Variants in TEAD2 observed in about 807,000 individuals in gnomAD.
TEAD2 encodes transcriptional enhancer factor TEF-4.
TEAD2 carries 51 observed loss-of-function variants against 61.4 expected under a neutral mutation model. That is an observed-to-expected ratio of 0.83 (90% CI 0.66 to 1.05). The LOEUF (loss-of-function observed/expected upper bound fraction) is 1.05. Ranked by LOEUF, TEAD2 falls within the 50% of genes least tolerant of loss-of-function variation. TEAD2 has a pLI of 0.00. For missense variants in TEAD2, 509 were observed against 600.0 expected, an observed-to-expected ratio of 0.85 and a Z score of 1.58; for synonymous variants, 244 against 243.2, an observed-to-expected ratio of 1.00 and a Z score of -0.03.
intron 7 of TEAD2, among the ~76,000 whole-genome samples, chr19:49,353,243 C>T (rs1327002106): frequency 1.3e-5 from 2 of 152,058 alleles, no homozygotes; most frequent in African/African-American, 2.4e-5. Flanking sequence ...GGATTACAGG[C>T]GCACATCACC....
At chr19:49,357,065 T>C (rs1197741733) in intron 4 of TEAD2, among the ~76,000 whole-genome samples, 187 bp downstream of exon 4, 1 of 151,362 alleles carries the variant, frequency 6.6e-6, no homozygotes, top group Non-Finnish European at 1.5e-5. Flanking sequence ...TCTCTGGGTC[T>C]TGGTCCCCTC....
At chr19:49,347,123 G>A (rs1341576396) in intron 10 of TEAD2, 67 bp downstream of exon 10, 1 of 1,582,626 alleles carries the variant, frequency 6.3e-7, no homozygotes. Context: ...ATTCTCTCAG[G>A]GCCAGAGGCC....
chr19:49,347,006 C>G (rs1225193179), intron 10 of TEAD2, among the ~76,000 whole-genome samples, 184 bp downstream of exon 10: 3 of 152,186 alleles, frequency 2.0e-5, no homozygotes, highest in African/African-American at 7.2e-5. Context: ...TCCAACCCAC[C>G]CTGGGGGCTG....
rs111970794 is a variant in TEAD2 at position 49,350,638 on chromosome 19, C to G, written c.604+663G>C. Among the ~76,000 whole-genome samples, 992 of 152,044 alleles carry G rather than the reference C, an allele frequency of 6.5e-3. 18 individuals carry two copies. The highest frequency in any genetic ancestry group is 0.037 in the Middle Eastern group (11 of 294). The stretch of plus-strand genomic sequence containing the variant: ...CTGTGAGCCACCGCACCTGCCTCTT[C>G]TTTTTTAAAATGTTGCTTCAGCTGG... On this transcript the variant is annotated intron_variant, in intron 8 of 12. Transcript: ENST00000593945.
At chr19:49,356,104 G>T in intron 4 of TEAD2, 134 bp from the exon 5 acceptor site, 1 of 649,420 alleles carries the variant, frequency 1.5e-6, no homozygotes, top group Non-Finnish European at 2.2e-6. Context: ...AGTGCCAAGG[G>T]ATGGATGCGC....
intron 3 of TEAD2, among the ~76,000 whole-genome samples, chr19:49,358,924 A>T (rs1972601158): frequency 6.6e-6 from 1 of 152,034 alleles, no homozygotes; most frequent in Non-Finnish European, 1.5e-5. Flanking sequence ...CCCAGCCTAA[A>T]GCTCTTTATC....
At chr19:49,357,518 T>C in intron 3 of TEAD2, 1 of 609,890 alleles carries the variant, frequency 1.6e-6, no homozygotes, top group Non-Finnish European at 2.9e-6. Flanking sequence ...CCGGGACCCA[T>C]CCCATCCAGG....
At position 49,355,311 on chromosome 19, in the gene TEAD2, C is replaced by T; in HGVS notation, c.480+1G>A. 1 of 1,614,174 alleles carries T rather than the reference C, an allele frequency of 6.2e-7. No homozygotes were observed. Among genetic ancestry groups the T allele is most frequent in the Non-Finnish European group, 8.5e-7 (1 of 1,180,042 alleles). ...GTCCCACAATCCCCAACCTGGACCA[C>T]CTGAGGACCAGTGGGACCCAGTTTG... On this transcript the variant is annotated splice_donor_variant, in intron 6 of 12. Coordinates refer to ENST00000593945, the MANE Select transcript of TEAD2 (RefSeq NM_001256660.2). LOFTEE classifies it high-confidence loss of function.
In TEAD2 at chr19:49,359,962, G is replaced by T; in HGVS notation, c.114C>A (p.Gly38=). The part of the protein sequence containing the change: ...GGSEGAGGDG[G]PDAEGVWSPD... ...GGCTCCACACCCCCTCTGCATCCGG[G>T]CCCCCGTCACCCCCAGCCCCCTCAC... The change falls in exon 2 of 13, where the codon GGC becomes GGA. Residue 38 remains glycine (G), a synonymous_variant. Coordinates refer to ENST00000593945, the MANE Select transcript of TEAD2 (RefSeq NM_001256660.2). This position sits in a 1 kb window ranked among gnomAD's most constrained non-coding sequence, Gnocchi z 4.1. 2 of 1,610,738 alleles carry T rather than the reference G, an allele frequency of 1.2e-6. No homozygotes were observed.
intron 11 of TEAD2, among the ~76,000 whole-genome samples, 156 bp from the exon 12 acceptor site, chr19:49,342,746 G>A (rs1971383072): frequency 6.6e-6 from 1 of 151,972 alleles, no homozygotes; most frequent in Non-Finnish European, 1.5e-5. Flanking sequence ...TGGAGACTGG[G>A]CCTGAACCCT....
chr19:49,357,583 A>G (rs1431637452), intron 3 of TEAD2: 1 of 548,872 alleles, frequency 1.8e-6, no homozygotes, highest in East Asian at 3.0e-5. Flanking sequence ...TAACACAACC[A>G]CTAGAAAAAC....
Position 49,356,045 on chromosome 19 carries a change from C to G in TEAD2, c.361-75G>C, listed in dbSNP as rs542780577. The G allele has an allele frequency of 1.1e-4, 129 of 1,164,304 alleles. 1 individual carries two copies. The African/African-American group carries it at 1.9e-3, about 17-fold the overall frequency. 72.1% of individuals were successfully genotyped at this position (1,164,304 alleles called of 1,614,324 possible). On this transcript the variant is annotated intron_variant, in intron 4 of 12. Coordinates refer to ENST00000593945, the MANE Select transcript of TEAD2 (RefSeq NM_001256660.2). ...TTAGGAAGTACGGCCCGGACTCCCC[C>G]ACCTCCCTGCCCTACCCGCCCGCAC...
rs1249058231 is a variant in TEAD2, at chr19:49,341,636, G to A, written c.1243-199C>T. ...GGGCAATGGGGGTTACCCCTCAGCT[G>A]AGCGTTGGCAGTTATGGTGTATCAC... On this transcript the variant is annotated intron_variant, in intron 12 of 12. Transcript: ENST00000593945. The surrounding 1 kb of genome is among the most constrained non-coding windows in gnomAD (Gnocchi z 4.2). 3.3e-5 allele frequency among the ~76,000 whole-genome samples: 5 copies of A among 152,206 alleles called. No individual in the cohort carries two copies. Among genetic ancestry groups the A allele is most frequent in the Admixed American group, 2.6e-4 (4 of 15,274 alleles).
chr19:49,360,129 A>C, intron 1 of TEAD2, 48 bp from the exon 2 acceptor site: 2 of 1,463,210 alleles, frequency 1.4e-6, no homozygotes, highest in Non-Finnish European at 1.9e-6. Context: ...CCCACCCTCA[A>C]GGGACTTGAA....
At chr19:49,351,721 C>T (rs1458060669) in intron 7 of TEAD2, among the ~76,000 whole-genome samples, 1 of 152,036 alleles carries the variant, frequency 6.6e-6, no homozygotes, top group African/African-American at 2.4e-5. Flanking sequence ...CGTGGTGGCT[C>T]ACACCTGTAA....
At chr19:49,350,977 G>A (rs989528940) in intron 8 of TEAD2, among the ~76,000 whole-genome samples, 3 of 151,852 alleles carry the variant, frequency 2.0e-5, no homozygotes, top group African/African-American at 4.8e-5. Context: ...TCAAAAGATC[G>A]AGACCATCCT....
chr19:49,359,972 C>T lies in TEAD2; in HGVS notation c.104G>A (p.Gly35Asp). 1 of 1,610,164 alleles carries T rather than the reference C, an allele frequency of 6.2e-7. No homozygotes were observed. Among genetic ancestry groups the T allele is most frequent in the Non-Finnish European group, 8.5e-7 (1 of 1,179,886 alleles). Residue 35 changes from glycine to aspartate, a missense_variant, in exon 2 of 13, where the codon GGT (glycine) becomes GAT (aspartate). Gly to Asp is a moderately conservative substitution (Grantham distance 94). Transcript: ENST00000593945. This position sits in a 1 kb window ranked among gnomAD's most constrained non-coding sequence, Gnocchi z 4.1. ...EGTGGSEGAG[G>D]DGGPDAEGVW... ...CCCCTCTGCATCCGGGCCCCCGTCACCCCCAGCCCCCTCACTGCCGCCGGT... is the reference window on the plus strand; with the variant it reads ...CCCCTCTGCATCCGGGCCCCCGTCATCCCCAGCCCCCTCACTGCCGCCGGT...
intron 10 of TEAD2, among the ~76,000 whole-genome samples, chr19:49,346,829 G>A (rs1386114379): frequency 6.6e-6 from 1 of 152,200 alleles, no homozygotes; most frequent in African/African-American, 2.4e-5. Context: ...TGGCTACGGG[G>A]AGGGGTCTTT....
chr19:49,354,583 G>A (rs898771333), intron 7 of TEAD2, among the ~76,000 whole-genome samples: 2 of 151,146 alleles, frequency 1.3e-5, no homozygotes, highest in Non-Finnish European at 2.9e-5. Flanking sequence ...AACATATCCC[G>A]TCACCTCAAG....
Sources: allele counts gnomAD v4.1 joint callset (sites outside exome capture counted in the v4.1 genomes callset), GRCh38; gene constraint gnomAD v4.1.1; non-coding constraint Gnocchi (gnomAD v3.1); transcripts MANE v1.5; gene names NCBI Gene and HGNC (gene_info 2026-07-23, HGNC 2026-07-21).